Variants in EFCAB14 observed in about 807,000 individuals in gnomAD.
EFCAB14 encodes the protein EF-hand calcium-binding domain-containing protein 14.
In EFCAB14, 43 loss-of-function variants were observed where a neutral mutation model predicts 56.5. The observed-to-expected ratio is 0.76, with a 90% confidence interval of 0.60 to 0.98. The LOEUF is 0.98. Among genes scored for constraint, EFCAB14 ranks in the 50% least tolerant of loss-of-function variants. EFCAB14 has a pLI of 0.00. For synonymous variants in EFCAB14, 235 were observed against 212.9 expected (o/e 1.10, Z -0.90); for missense variants, 538 against 580.3 (o/e 0.93, Z 0.75).
At chr1:46,691,736 A>AG in intron 5 of EFCAB14, 91 bp downstream of exon 5, 2 of 803,956 alleles carry the variant, frequency 2.5e-6, no homozygotes, top group Admixed American at 4.7e-5. Context: ...GATGCATAGC[A>AG]GGGCCTTTTC....
chr1:46,691,669 C>T (rs984278693), intron 5 of EFCAB14, among the ~76,000 whole-genome samples, 158 bp downstream of exon 5: 2 of 152,124 alleles, frequency 1.3e-5, no homozygotes, highest in African/African-American at 4.8e-5. Flanking sequence ...ACCATAATTG[C>T]TTTATTAACA....
At chr1:46,714,113 C>A (rs1302922187) in intron 2 of EFCAB14, among the ~76,000 whole-genome samples, 1 of 151,916 alleles carries the variant, frequency 6.6e-6, no homozygotes, top group Non-Finnish European at 1.5e-5. Flanking sequence ...ACATCATTAA[C>A]ACACTAAAAA....
chr1:46,698,149 G>A (rs72898800), intron 3 of EFCAB14, among the ~76,000 whole-genome samples: 6 of 152,108 alleles, frequency 3.9e-5, no homozygotes, highest in Non-Finnish European at 7.4e-5. Flanking sequence ...CACCATGTCC[G>A]GCTATGCAAA....
At chr1:46,684,682 T>C in intron 8 of EFCAB14, 80 bp from the exon 9 acceptor site, 1 of 1,186,568 alleles carries the variant, frequency 8.4e-7, no homozygotes, top group Non-Finnish European at 1.2e-6. Context: ...CCAGAGCCTG[T>C]TTAGCATGTA....
intron 4 of EFCAB14, among the ~76,000 whole-genome samples, chr1:46,694,050 T>C (rs1383309402): frequency 6.6e-6 from 1 of 152,228 alleles, no homozygotes; most frequent in Non-Finnish European, 1.5e-5. Context: ...ACTGGATCCC[T>C]TCCTTACACC....
At chr1:46,707,820 A>G (rs1043249987) in intron 3 of EFCAB14, 86 bp downstream of exon 3, 4 of 1,346,358 alleles carry the variant, frequency 3.0e-6, no homozygotes, top group Non-Finnish European at 4.0e-6. Flanking sequence ...TGAATTCCCT[A>G]TACCTACAAT....
rs1676731852 is a variant in EFCAB14, at chr1:46,678,477, A to AT, written c.1471_1472insA (p.Val491AspfsTer13). 1 of 1,613,968 alleles carries AT rather than the reference A, an allele frequency of 6.2e-7. No individual in the cohort carries two copies. Among genetic ancestry groups the AT allele is most frequent in the Non-Finnish European group, 8.5e-7 (1 of 1,180,008 alleles). On this transcript the variant is annotated frameshift_variant, in exon 11 of 11. Transcript: ENST00000371933. LOFTEE classifies it high-confidence loss of function. ...CTGATGAAGCTAGATACCTAAAGCTACCCTTAGCTCCAGGAATGAGTATCT... is the reference window on the plus strand; with the variant it reads ...CTGATGAAGCTAGATACCTAAAGCTATCCCTTAGCTCCAGGAATGAGTATCT...
At chr1:46,716,879 G>A (rs962922488) in intron 1 of EFCAB14, among the ~76,000 whole-genome samples, 1 of 152,184 alleles carries the variant, frequency 6.6e-6, no homozygotes, top group South Asian at 2.1e-4. Flanking sequence ...ATAAACTTTT[G>A]AGCAAGTTTT....
intron 7 of EFCAB14, among the ~76,000 whole-genome samples, chr1:46,687,356 C>T (rs559824621): frequency 8.5e-5 from 13 of 152,246 alleles, no homozygotes; most frequent in African/African-American, 3.1e-4. Context: ...AAAAGGGCTT[C>T]GTAAAATAAA....
intron 10 of EFCAB14, among the ~76,000 whole-genome samples, chr1:46,680,762 A>G (rs768446453): frequency 4.5e-4 from 69 of 152,218 alleles, no homozygotes; most frequent in Non-Finnish European, 8.5e-4. Flanking sequence ...ATAAAAAAGA[A>G]CCAGAGGAAT....
rs1288138428 is a variant in EFCAB14 at position 46,676,229 on chromosome 1, G to A, written c.*2232C>T. On this transcript the variant is annotated 3_prime_UTR_variant, in exon 11 of 11. Transcript: ENST00000371933. ...AAATATTCATAGATCTGAGAATGCA[G>A]TATAAACACCTCTGCCAAACTTGGT... 6.6e-6 allele frequency: 1 copy of A among 152,178 alleles called. No homozygotes were observed. Among genetic ancestry groups the A allele is most frequent in the Non-Finnish European group, 1.5e-5 (1 of 68,022 alleles). The allele number at this position is 152,178 out of a possible 1,614,324, so 9.4% of individuals were successfully genotyped here. A position where few individuals can be genotyped will look rare whatever the true frequency, so the allele number is the denominator to read the frequency against.
At chr1:46,701,235 C>T (rs1444481048) in intron 3 of EFCAB14, among the ~76,000 whole-genome samples, 1 of 152,150 alleles carries the variant, frequency 6.6e-6, no homozygotes, top group East Asian at 1.9e-4. Context: ...CTTCCATGCC[C>T]TCACGGGGCT....
rs1028790698 is a variant in EFCAB14, at chr1:46,676,361, T to C, written c.*2100A>G. 2 of 152,344 alleles carry C rather than the reference T, an allele frequency of 1.3e-5. No individual in the cohort carries two copies. Among genetic ancestry groups the C allele is most frequent in the African/African-American group, 4.8e-5 (2 of 41,452 alleles). 9.4% of individuals were successfully genotyped at this position (152,344 alleles called of 1,614,324 possible). ...CCAAAAAACAAAATGGATTTCTCCA[T>C]GTATAGTTATCTGATGCAAGGGAAA... is the stretch of plus-strand genomic sequence containing the variant. On this transcript the variant is annotated 3_prime_UTR_variant, in exon 11 of 11. Transcript: ENST00000371933.
Position 46,707,938 on chromosome 1 carries a change from C to T in EFCAB14, c.448G>A (p.Val150Ile). The change falls in exon 3 of 11, where the codon GTC becomes ATC. Residue 150 changes from valine to isoleucine, a missense_variant. Val to Ile is a conservative substitution (Grantham distance 29). Coordinates refer to ENST00000371933, the MANE Select transcript of EFCAB14 (RefSeq NM_014774.3). ...TTCATTTCTGTGATGTTTATCCAGA[C>T]TTTGTTCAAACCCATCTCTCCAGAT... is the stretch of plus-strand genomic sequence containing the variant. Reference protein sequence around the residue: ...IESGEMGLNKVWINITEMNKQ... With the variant: ...IESGEMGLNKIWINITEMNKQ... 1 of 1,611,402 alleles carries T rather than the reference C, an allele frequency of 6.2e-7. No homozygotes were observed. Among genetic ancestry groups the T allele is most frequent in the Non-Finnish European group, 8.5e-7 (1 of 1,179,614 alleles).
At chr1:46,691,697 T>C (rs1557443409) in intron 5 of EFCAB14, 130 bp downstream of exon 5, 2 of 580,390 alleles carry the variant, frequency 3.4e-6, no homozygotes, top group Admixed American at 3.4e-5. Context: ...GAACAATCAA[T>C]GTATACTGCT....
intron 3 of EFCAB14, among the ~76,000 whole-genome samples, chr1:46,698,939 T>C (rs886895738): frequency 6.6e-6 from 1 of 152,036 alleles, no homozygotes; most frequent in East Asian, 1.9e-4. Context: ...GAAGGAGATC[T>C]GTGTAGTCTC....
At chr1:46,701,719 T>C (rs982311312) in intron 3 of EFCAB14, among the ~76,000 whole-genome samples, 11 of 152,234 alleles carry the variant, frequency 7.2e-5, no homozygotes, top group Admixed American at 2.0e-4. Context: ...ATGCCTAGTG[T>C]ATCAGCTGCC....
intron 3 of EFCAB14, among the ~76,000 whole-genome samples, chr1:46,702,934 T>C (rs577904464): frequency 3.0e-4 from 45 of 152,334 alleles, no homozygotes; most frequent in Non-Finnish European, 5.1e-4. Context: ...AATGAGTGAC[T>C]AAAATTCCCT....
At chr1:46,708,471 G>A (rs1677263942) in intron 2 of EFCAB14, among the ~76,000 whole-genome samples, 1 of 152,172 alleles carries the variant, frequency 6.6e-6, no homozygotes, top group Non-Finnish European at 1.5e-5. Flanking sequence ...GGTCATAGAT[G>A]ATAAATGCTA....
Sources: allele counts gnomAD v4.1 joint callset (sites outside exome capture counted in the v4.1 genomes callset), GRCh38; gene constraint gnomAD v4.1.1; transcripts MANE v1.5; gene names NCBI Gene and HGNC (gene_info 2026-07-23, HGNC 2026-07-21).